The following ATP6V1B2 variants were observed in gnomAD, a reference collection of about 807,000 sequenced individuals.
ATP6V1B2 encodes the protein V-type proton ATPase subunit B, brain isoform.
ATP6V1B2 carries 23 observed loss-of-function variants against 66.7 expected under a neutral mutation model. The observed-to-expected ratio is 0.34, with a 90% CI of 0.25 to 0.49. ATP6V1B2 has a LOEUF of 0.49. Ranked by LOEUF, ATP6V1B2 falls within the 20% of genes least tolerant of loss-of-function variation. ATP6V1B2 has a pLI of 0.99. For missense variants in ATP6V1B2, 478 were observed against 650.8 expected (o/e 0.73, Z 2.89); for synonymous variants, 278 against 236.7 (o/e 1.17, Z -1.60).
chr8:20,199,613 T>G (rs7822805), intron 1 of ATP6V1B2, among the ~76,000 whole-genome samples: 13 of 143,410 alleles, frequency 9.1e-5, no homozygotes, highest in Admixed American at 9.0e-4. Context: ...GGTTTTTTTT[T>G]TTTTTTTTTT....
intron 1 of ATP6V1B2, among the ~76,000 whole-genome samples, chr8:20,200,295 G>A (rs1328678119): frequency 6.6e-6 from 1 of 152,108 alleles, no homozygotes; most frequent in Non-Finnish European, 1.5e-5. Flanking sequence ...TGGGATTACA[G>A]GTGTGAGCTG....
chr8:20,203,345 T>G (rs2410633), intron 1 of ATP6V1B2, among the ~76,000 whole-genome samples: 118,132 of 152,128 alleles, frequency 0.78, 46,395 homozygotes, highest in East Asian at 0.88. Flanking sequence ...CCCAGCATTT[T>G]TACCAGGGCT....
chr8:20,205,039 T>C (rs1173697280), intron 2 of ATP6V1B2, among the ~76,000 whole-genome samples: 1 of 152,206 alleles, frequency 6.6e-6, no homozygotes, highest in Non-Finnish European at 1.5e-5. Context: ...ACCTCCTGAC[T>C]GCAGTTTGAT....
chr8:20,211,950 C>A, intron 7 of ATP6V1B2, 152 bp from the exon 8 acceptor site: 1 of 825,160 alleles, frequency 1.2e-6, no homozygotes, highest in Non-Finnish European at 1.9e-6. Flanking sequence ...GTGCCCCAAA[C>A]CGGCTCTTTG....
intron 3 of ATP6V1B2, 29 bp from the exon 4 acceptor site, chr8:20,210,317 C>A: frequency 6.4e-7 from 1 of 1,570,608 alleles, no homozygotes; most frequent in South Asian, 1.1e-5. Flanking sequence ...ATTACTTCTA[C>A]CCTTCTCATT....
intron 2 of ATP6V1B2, among the ~76,000 whole-genome samples, chr8:20,208,578 A>AT (rs1368993577): frequency 6.6e-6 from 1 of 152,136 alleles, no homozygotes; most frequent in Non-Finnish European, 1.5e-5. Flanking sequence ...ACCAAACTTC[A>AT]TTTTTTGGAG....
chr8:20,207,213 T>A (rs539344424), intron 2 of ATP6V1B2, among the ~76,000 whole-genome samples: 13 of 152,210 alleles, frequency 8.5e-5, no homozygotes, highest in African/African-American at 3.1e-4. Flanking sequence ...TAATTAAAAA[T>A]GAGGATTTGG....
Position 20,197,501 on chromosome 8 carries a change from C to A in ATP6V1B2, c.95C>A (p.Ala32Glu). ...GGPAVGAREQ[A>E]LAVSRNYLSQ... Reference sequence around the variant, plus strand: ...CCGGCGGTGGGAGCTCGGGAGCAGGCGCTGGCAGTCAGTCGGAACTACCTC... The same window carrying A: ...CCGGCGGTGGGAGCTCGGGAGCAGGAGCTGGCAGTCAGTCGGAACTACCTC... The change falls in exon 1 of 14, where the codon GCG becomes GAG. Residue 32 changes from alanine to glutamate, a missense_variant. Coordinates refer to ENST00000276390, the MANE Select transcript of ATP6V1B2 (RefSeq NM_001693.4). The A allele has an allele frequency of 6.7e-7, 1 of 1,488,464 alleles. No homozygotes were observed. The highest frequency in any genetic ancestry group is 1.3e-5 in the South Asian group (1 of 76,370). The allele number at this position is 1,488,464 out of a possible 1,614,324, so 92.2% of individuals were successfully genotyped here.
At position 20,220,409 on chromosome 8, in the gene ATP6V1B2, C is replaced by A. The variant is rs1283865676; in HGVS notation, c.*7C>A. 7 of 1,562,220 alleles carry A rather than the reference C, an allele frequency of 4.5e-6. No individual in the cohort carries two copies. The highest frequency in any genetic ancestry group is 4.2e-5 in the African/African-American group (3 of 71,496). Reference sequence around the variant, plus strand: ...AGACTCTGCAAAGCATTAGCTGCTGCTTCTGCATTGCTCCGCGCTCTTGTG... The same window carrying A: ...AGACTCTGCAAAGCATTAGCTGCTGATTCTGCATTGCTCCGCGCTCTTGTG... On this transcript the variant is annotated 3_prime_UTR_variant, in exon 14 of 14. Transcript: ENST00000276390.
chr8:20,199,017 T>C (rs1368906508), intron 1 of ATP6V1B2, among the ~76,000 whole-genome samples: 1 of 152,202 alleles, frequency 6.6e-6, no homozygotes, highest in East Asian at 1.9e-4. Flanking sequence ...ACATTAGTGG[T>C]GCCTCTCAAA....
chr8:20,201,083 A>T (rs1228510257), intron 1 of ATP6V1B2, among the ~76,000 whole-genome samples: 2 of 149,512 alleles, frequency 1.3e-5, no homozygotes, highest in Non-Finnish European at 1.5e-5. Context: ...TGGGTTTTAG[A>T]TGTTACTTCA....
chr8:20,205,815 C>T (rs1007454883), intron 2 of ATP6V1B2, among the ~76,000 whole-genome samples: 3 of 152,198 alleles, frequency 2.0e-5, no homozygotes, highest in African/African-American at 7.2e-5. Context: ...AGAAAAATAG[C>T]TGTTCTCACT....
chr8:20,197,736 G>A (rs975402350), intron 1 of ATP6V1B2, among the ~76,000 whole-genome samples, 194 bp downstream of exon 1: 16 of 152,140 alleles, frequency 1.1e-4, no homozygotes, highest in African/African-American at 3.6e-4. Flanking sequence ...TGGGCTGAGG[G>A]CAAGAGCACC....
rs149175265 is a variant in ATP6V1B2, at chr8:20,212,836, G to T, written c.858G>T (p.Ala286=). Residue 286 remains alanine, a synonymous_variant, in exon 9 of 14, where the codon GCG becomes GCT. Transcript: ENST00000276390. The part of the protein sequence containing the change: ...RLALTTAEFL[A]YQCEKHVLVI... ...CTCTAACCACAGCTGAATTTCTGGC[G>T]TACCAATGTGAGAAACATGTATTGG... 6.2e-7 allele frequency: 1 copy of T among 1,613,706 alleles called. No individual in the cohort carries two copies. The highest frequency in any genetic ancestry group is 1.7e-5 in the Admixed American group (1 of 59,966).
At chr8:20,212,719 C>CAT in intron 8 of ATP6V1B2, 63 bp from the exon 9 acceptor site, 1 of 1,579,750 alleles carries the variant, frequency 6.3e-7, no homozygotes, top group Non-Finnish European at 8.6e-7. Flanking sequence ...AGAATCATTT[C>CAT]TTTTTGTGTT....
chr8:20,210,295 C>T (rs762370422), intron 3 of ATP6V1B2, 51 bp from the exon 4 acceptor site: 2 of 1,464,172 alleles, frequency 1.4e-6, no homozygotes, highest in Admixed American at 1.8e-5. Flanking sequence ...AATGTAAATG[C>T]CCGTGATCTA....
At chr8:20,211,150 A>C (rs1585250943) in intron 5 of ATP6V1B2, 27 bp from the exon 6 acceptor site, 1 of 1,594,942 alleles carries the variant, frequency 6.3e-7, no homozygotes, top group Non-Finnish European at 8.5e-7. Flanking sequence ...CAACTTGTTG[A>C]AATTTTCCTT....
At chr8:20,199,381 A>G (rs2072660775) in intron 1 of ATP6V1B2, among the ~76,000 whole-genome samples, 1 of 151,826 alleles carries the variant, frequency 6.6e-6, no homozygotes, top group Non-Finnish European at 1.5e-5. Flanking sequence ...AATTCAGTGG[A>G]TAGATTGTGA....
At chr8:20,199,605 T>G (rs1349064926) in intron 1 of ATP6V1B2, among the ~76,000 whole-genome samples, 2 of 4,894 alleles carry the variant, frequency 4.1e-4, no homozygotes, top group African/African-American at 1.2e-3. Context: ...TTTTTGTGGG[T>G]TTTTTTTTTT....
Sources: allele counts gnomAD v4.1 joint callset (sites outside exome capture counted in the v4.1 genomes callset), GRCh38; gene constraint gnomAD v4.1.1; transcripts MANE v1.5; gene names NCBI Gene and HGNC (gene_info 2026-07-23, HGNC 2026-07-21).